The following DNAH6 variants were observed in gnomAD, a reference collection of about 807,000 sequenced individuals.
DNAH6 encodes dynein axonemal heavy chain 6.
A neutral mutation model predicts 491.4 loss-of-function variants in DNAH6; 340 were observed. The observed-to-expected ratio is 0.69, with a 90% CI of 0.63 to 0.76. The LOEUF is 0.76. Ranked by LOEUF, DNAH6 falls within the 30% of genes least tolerant of loss-of-function variation. The pLI, the probability that DNAH6 is intolerant of heterozygous loss-of-function variation, is 0.00. For missense variants in DNAH6, 4,443 were observed against 4,972.2 expected (o/e 0.89, Z 3.20); for synonymous variants, 1,603 against 1,686.1 (o/e 0.95, Z 1.21).
chr2:84,542,404 A>C (rs999096245), intron 4 of DNAH6, among the ~76,000 whole-genome samples: 1 of 152,326 alleles, frequency 6.6e-6, no homozygotes, highest in South Asian at 2.1e-4. Context: ...CATATTCCTC[A>C]CCAGCCCTGT....
chr2:84,735,191 G>A (rs1477952148), intron 62 of DNAH6, among the ~76,000 whole-genome samples: 1 of 152,160 alleles, frequency 6.6e-6, no homozygotes, highest in East Asian at 1.9e-4. Context: ...TAGGACAATG[G>A]CCTCCAGCTG....
the DNAH6 span, among the ~76,000 whole-genome samples, chr2:84,505,847 T>C: frequency 1.3e-5 from 2 of 152,300 alleles, no homozygotes; most frequent in East Asian, 1.9e-4. Flanking sequence ...CTGAGAATGA[T>C]GGTTTCCAGC....
At chr2:84,528,630 G>A (rs1183895347) in intron 3 of DNAH6, among the ~76,000 whole-genome samples, 1 of 152,024 alleles carries the variant, frequency 6.6e-6, no homozygotes, top group Non-Finnish European at 1.5e-5. Context: ...ATATTTTGAT[G>A]TAATAAACAT....
intron 4 of DNAH6, among the ~76,000 whole-genome samples, chr2:84,539,098 C>T (rs900495122): frequency 1.1e-4 from 17 of 152,060 alleles, no homozygotes; most frequent in South Asian, 4.1e-4. Flanking sequence ...GGCTAATCTA[C>T]GAAGAAATTT....
At chr2:84,605,102 C>T (rs1352797485) in intron 19 of DNAH6, among the ~76,000 whole-genome samples, 1 of 151,242 alleles carries the variant, frequency 6.6e-6, no homozygotes, top group East Asian at 2.0e-4. Context: ...AATCCCAGCA[C>T]TTTGGGAGGC....
chr2:84,553,455 T>C (rs570065231), intron 10 of DNAH6, among the ~76,000 whole-genome samples: 1 of 149,136 alleles, frequency 6.7e-6, no homozygotes, highest in East Asian at 2.0e-4. Flanking sequence ...CTCTCTCTCT[T>C]TCTTTCTTTT....
chr2:84,465,738 C>G, the DNAH6 span, among the ~76,000 whole-genome samples: 1 of 152,128 alleles, frequency 6.6e-6, no homozygotes, highest in Non-Finnish European at 1.5e-5. Flanking sequence ...ATTACCCAAC[C>G]CTCTTGTTTC....
At chr2:84,639,881 AG>A (rs1689226646) in intron 31 of DNAH6, among the ~76,000 whole-genome samples, 1 of 152,238 alleles carries the variant, frequency 6.6e-6, no homozygotes, top group African/African-American at 2.4e-5. Context: ...AATAGAAAAA[AG>A]GGTCCGCTTC....
intron 76 of DNAH6, among the ~76,000 whole-genome samples, chr2:84,817,332 C>A (rs1370040070): frequency 6.6e-6 from 1 of 152,202 alleles, no homozygotes; most frequent in Non-Finnish European, 1.5e-5. Flanking sequence ...GGAGAATCAC[C>A]TTCAAAGGGT....
At position 84,607,272 on chromosome 2, in the gene DNAH6, T is replaced by A. The variant is rs4240195; in HGVS notation, c.3294+177T>A. 0.82 allele frequency among the ~76,000 whole-genome samples: 124,548 copies of A among 151,830 alleles called. 53,204 individuals carry two copies. Among genetic ancestry groups the A allele is most frequent in the East Asian group, 0.99 (5,105 of 5,178 alleles). ...TGCACAGGTATTAAGCTCTTCTTTATATAATTATACAGCTTAATGCTATTA... is the reference window on the plus strand; with the variant it reads ...TGCACAGGTATTAAGCTCTTCTTTAAATAATTATACAGCTTAATGCTATTA... On this transcript the variant is annotated intron_variant, in intron 21 of 76. Transcript: ENST00000389394.
chr2:84,788,659 T>G (rs1441117315), intron 68 of DNAH6, among the ~76,000 whole-genome samples: 1 of 152,208 alleles, frequency 6.6e-6, no homozygotes, highest in Non-Finnish European at 1.5e-5. Flanking sequence ...TTTATCACAT[T>G]TTTTGTTTCT....
At chr2:84,698,205 G>C (rs748612713) in intron 47 of DNAH6, among the ~76,000 whole-genome samples, 1 of 152,082 alleles carries the variant, frequency 6.6e-6, no homozygotes, top group Non-Finnish European at 1.5e-5. Flanking sequence ...ACCACTACTT[G>C]TTCACCCCAG....
chr2:84,652,328 C>A (rs908481310), intron 33 of DNAH6, among the ~76,000 whole-genome samples: 3 of 151,922 alleles, frequency 2.0e-5, no homozygotes, highest in African/African-American at 7.2e-5. Flanking sequence ...TTTTAATAGT[C>A]ATTTCTTTAA....
chr2:84,774,377 T>C (rs756330797), intron 64 of DNAH6, among the ~76,000 whole-genome samples: 20 of 152,234 alleles, frequency 1.3e-4, no homozygotes, highest in East Asian at 5.8e-4. Context: ...TGACTGTAGG[T>C]GTGCAGCTTT....
At chr2:84,481,702 G>A in the DNAH6 span, among the ~76,000 whole-genome samples, 1 of 152,152 alleles carries the variant, frequency 6.6e-6, no homozygotes, top group Admixed American at 6.5e-5. Context: ...ATCCCCATTT[G>A]TGCCTCTTGA....
chr2:84,631,907 T>G (rs776534577), intron 29 of DNAH6, among the ~76,000 whole-genome samples: 6 of 152,214 alleles, frequency 3.9e-5, no homozygotes, highest in Non-Finnish European at 5.9e-5. Context: ...CCCCAGAATT[T>G]TCTAACATAA....
At chr2:84,475,204 T>C in the DNAH6 span, among the ~76,000 whole-genome samples, 3 of 152,194 alleles carry the variant, frequency 2.0e-5, no homozygotes, top group Non-Finnish European at 4.4e-5. Flanking sequence ...CCTTTTTTGG[T>C]GGCTCCCCAG....
intron 4 of DNAH6, among the ~76,000 whole-genome samples, chr2:84,534,563 GA>G (rs1677497478): frequency 6.6e-6 from 1 of 151,968 alleles, no homozygotes; most frequent in Middle Eastern, 3.2e-3. Flanking sequence ...GAAACACAAA[GA>G]AATCCTTGTT....
intron 56 of DNAH6, among the ~76,000 whole-genome samples, chr2:84,711,547 C>G (rs1045668283): frequency 6.6e-6 from 1 of 152,226 alleles, no homozygotes; most frequent in Non-Finnish European, 1.5e-5. Context: ...CATGTTCACT[C>G]CATGCCAGAC....
Sources: gnomAD v4.1 joint callset for allele counts (sites outside exome capture counted in the v4.1 genomes callset) on GRCh38, gnomAD v4.1.1 for gene constraint, MANE v1.5 for transcripts, NCBI Gene and HGNC (gene_info 2026-07-23, HGNC 2026-07-21) for gene names.